The following UBE3C variants were observed in gnomAD, a reference collection of about 807,000 sequenced individuals.
UBE3C encodes the protein ubiquitin protein ligase E3C, also known as ubiquitin-protein ligase E3C.
A neutral mutation model predicts 129.4 loss-of-function variants in UBE3C; 42 were observed. The observed-to-expected ratio is 0.32, with a 90% CI of 0.25 to 0.42. The LOEUF (loss-of-function observed/expected upper bound fraction) is 0.42, where lower values mean the gene tolerates loss of function less well. Ranked by LOEUF, UBE3C falls within the 10% of genes least tolerant of loss-of-function variation. UBE3C has a pLI of 1.00. For synonymous variants in UBE3C, 510 were observed against 492.4 expected (o/e 1.04, Z -0.47); for missense variants, 1,049 against 1,319.1 (o/e 0.80, Z 3.17).
chr7:157,223,119 G>A (rs1400357653), intron 15 of UBE3C, 135 bp from the exon 16 acceptor site: 1 of 854,914 alleles, frequency 1.2e-6, no homozygotes, highest in East Asian at 2.7e-5. Flanking sequence ...CCTGAGGCGG[G>A]GATGTGTTCA....
intron 10 of UBE3C, among the ~76,000 whole-genome samples, chr7:157,191,692 A>G (rs1283666420): frequency 6.6e-6 from 1 of 152,218 alleles, no homozygotes; most frequent in Admixed American, 6.5e-5. Flanking sequence ...TGAGAGATTT[A>G]TAGCTTCATA....
chr7:157,221,361 G>T (rs1290953281), intron 15 of UBE3C: 2 of 152,424 alleles, frequency 1.3e-5, no homozygotes, highest in Non-Finnish European at 2.9e-5. Context: ...CAGGGTGGCT[G>T]CACGGCTTTG....
chr7:157,208,020 G>T, intron 13 of UBE3C, 85 bp downstream of exon 13: 1 of 488,000 alleles, frequency 2.0e-6, no homozygotes, highest in East Asian at 9.5e-5. Flanking sequence ...GAATAAAAAT[G>T]CAGGTTTGTT....
chr7:157,178,657 G>C (rs200426414), intron 5 of UBE3C, 33 bp from the exon 6 acceptor site: 9 of 1,600,196 alleles, frequency 5.6e-6, no homozygotes, highest in Admixed American at 3.4e-5. Context: ...TTGCCATCCT[G>C]TAAGTGTGTG....
intron 14 of UBE3C, among the ~76,000 whole-genome samples, chr7:157,219,788 A>C (rs1179701425): frequency 1.3e-5 from 2 of 152,064 alleles, no homozygotes; most frequent in Non-Finnish European, 2.9e-5. Context: ...AATCCCAGCT[A>C]CTTGGGAGCC....
At chr7:157,152,952 T>G (rs966488884) in intron 1 of UBE3C, among the ~76,000 whole-genome samples, 1 of 152,120 alleles carries the variant, frequency 6.6e-6, no homozygotes, top group East Asian at 1.9e-4. Flanking sequence ...TCCTAGCACT[T>G]TGGGAGGCTG....
intron 18 of UBE3C, among the ~76,000 whole-genome samples, chr7:157,233,742 A>G (rs1443505728): frequency 6.6e-6 from 1 of 152,240 alleles, no homozygotes; most frequent in Non-Finnish European, 1.5e-5. Flanking sequence ...TCTTGGGCAT[A>G]TACCTAGACA....
chr7:157,207,322 G>A, intron 11 of UBE3C, 76 bp from the exon 12 acceptor site: 1 of 1,543,620 alleles, frequency 6.5e-7, no homozygotes, highest in Admixed American at 2.2e-5. Flanking sequence ...TTTGTTTGAT[G>A]TTATGTTTTA....
intron 22 of UBE3C, among the ~76,000 whole-genome samples, chr7:157,259,145 T>C (rs987699652): frequency 6.6e-5 from 10 of 152,222 alleles, no homozygotes; most frequent in African/African-American, 2.4e-4. Context: ...CTTGAGCACA[T>C]GTTAAAAATG....
intron 2 of UBE3C, among the ~76,000 whole-genome samples, chr7:157,164,263 A>T: frequency 6.6e-6 from 1 of 151,986 alleles, no homozygotes; most frequent in East Asian, 1.9e-4. Context: ...GGGCTCGGTG[A>T]TCTTCCTGCT....
At chr7:157,214,931 G>A (rs976583219) in intron 13 of UBE3C, among the ~76,000 whole-genome samples, 2 of 152,216 alleles carry the variant, frequency 1.3e-5, no homozygotes, top group Non-Finnish European at 2.9e-5. Flanking sequence ...GTAAGATGTT[G>A]TATGTGCAGC....
intron 13 of UBE3C, among the ~76,000 whole-genome samples, chr7:157,208,548 G>T (rs909693050): frequency 6.6e-6 from 1 of 152,026 alleles, no homozygotes; most frequent in African/African-American, 2.4e-5. Flanking sequence ...ACTGTGACAC[G>T]ATGAAATATA....
intron 21 of UBE3C, among the ~76,000 whole-genome samples, chr7:157,255,828 G>A (rs1796737587): frequency 6.6e-6 from 1 of 152,144 alleles, no homozygotes; most frequent in Non-Finnish European, 1.5e-5. Context: ...TTTCAGAATA[G>A]TGGTCTCATC....
chr7:157,244,364 A>G (rs1796421916), intron 18 of UBE3C, among the ~76,000 whole-genome samples: 1 of 152,244 alleles, frequency 6.6e-6, no homozygotes, highest in African/African-American at 2.4e-5. Context: ...ATTCTGAAGC[A>G]CAATTATTAA....
chr7:157,147,337 AT>A (rs1405909357), intron 1 of UBE3C, among the ~76,000 whole-genome samples: 2 of 152,128 alleles, frequency 1.3e-5, no homozygotes, highest in East Asian at 3.9e-4. Flanking sequence ...TTCATTGCTT[AT>A]TTGTAGAGAA....
chr7:157,149,488 A>G (rs4716457), intron 1 of UBE3C, among the ~76,000 whole-genome samples: 1 of 152,164 alleles, frequency 6.6e-6, no homozygotes, highest in East Asian at 1.9e-4. Context: ...AAAGCACCAT[A>G]CAGTATTTAA....
At chr7:157,259,260 G>A (rs1164925144) in intron 22 of UBE3C, among the ~76,000 whole-genome samples, 4 of 152,208 alleles carry the variant, frequency 2.6e-5, no homozygotes, top group East Asian at 3.8e-4. Flanking sequence ...TTGTCCCTTC[G>A]CGTCCTTCAT....
chr7:157,143,501 C>G (rs149223346), intron 1 of UBE3C, among the ~76,000 whole-genome samples: 1 of 152,306 alleles, frequency 6.6e-6, no homozygotes, highest in African/African-American at 2.4e-5. Flanking sequence ...CTCCTTCATT[C>G]CTGGCTCTGC....
At chr7:157,195,069 G>A (rs987418180) in intron 10 of UBE3C, among the ~76,000 whole-genome samples, 8 of 152,238 alleles carry the variant, frequency 5.3e-5, no homozygotes, top group Non-Finnish European at 7.3e-5. Context: ...AGGTATGGCT[G>A]TATAACCTTC....
Sources: allele counts gnomAD v4.1 joint callset (sites outside exome capture counted in the v4.1 genomes callset), GRCh38; gene constraint gnomAD v4.1.1; transcripts MANE v1.5; gene names NCBI Gene and HGNC (gene_info 2026-07-23, HGNC 2026-07-21).